Variants in RNF216 observed in about 807,000 individuals in gnomAD.
The protein encoded by RNF216 is E3 ubiquitin-protein ligase RNF216.
Under a neutral mutation model 110.8 loss-of-function variants are expected in RNF216, and 72 were observed. That is an observed-to-expected ratio of 0.65 (90% CI 0.54 to 0.79). The LOEUF is 0.79. Among genes scored for constraint, RNF216 ranks in the 30% least tolerant of loss-of-function variants. The pLI is 0.00. For synonymous variants in RNF216, 495 were observed against 407.5 expected, an observed-to-expected ratio of 1.21 and a Z score of -2.59; for missense variants, 1,342 against 1,141.2, an observed-to-expected ratio of 1.18 and a Z score of -2.54.
chr7:5,763,476 A>G (rs1796036022), intron 1 of RNF216, among the ~76,000 whole-genome samples: 1 of 152,126 alleles, frequency 6.6e-6, no homozygotes, highest in Admixed American at 6.6e-5. Flanking sequence ...CTAAAAATAT[A>G]AAAATTAGCC....
At chr7:5,652,600 T>A in intron 13 of RNF216, 90 bp from the exon 14 acceptor site, 1 of 838,240 alleles carries the variant, frequency 1.2e-6, no homozygotes, top group Non-Finnish European at 2.0e-6. Context: ...AAATGAGCTT[T>A]ACTTGGCTTG....
intron 5 of RNF216, among the ~76,000 whole-genome samples, chr7:5,733,358 C>T (rs988547959): frequency 2.6e-5 from 4 of 152,132 alleles, no homozygotes; most frequent in Admixed American, 1.3e-4. Flanking sequence ...AATAAGTACA[C>T]GTGTGAGACT....
chr7:5,651,390 G>T (rs1029899105), intron 14 of RNF216, among the ~76,000 whole-genome samples: 1 of 151,784 alleles, frequency 6.6e-6, no homozygotes, highest in Non-Finnish European at 1.5e-5. Context: ...ACCACTCCTG[G>T]ATAATTTTAT....
intron 5 of RNF216, among the ~76,000 whole-genome samples, chr7:5,734,903 C>A (rs1794306383): frequency 1.3e-5 from 2 of 150,844 alleles, no homozygotes; most frequent in Non-Finnish European, 3.0e-5. Context: ...CGTCTCCCAG[C>A]ACTTTGGGAG....
At chr7:5,742,704 T>C (rs971615007) in intron 3 of RNF216, among the ~76,000 whole-genome samples, 1 of 145,978 alleles carries the variant, frequency 6.9e-6, no homozygotes, top group African/African-American at 2.5e-5. Context: ...CAAGCAATTA[T>C]CCTGCCACAG....
At chr7:5,674,811 C>A (rs753308374) in intron 13 of RNF216, among the ~76,000 whole-genome samples, 1 of 152,006 alleles carries the variant, frequency 6.6e-6, no homozygotes, top group African/African-American at 2.4e-5. Flanking sequence ...GCCTGACCAA[C>A]ATGGCAAAAC....
At chr7:5,768,654 G>T (rs1481677890) in intron 1 of RNF216, among the ~76,000 whole-genome samples, 1 of 144,818 alleles carries the variant, frequency 6.9e-6, no homozygotes, top group African/African-American at 2.5e-5. Context: ...TGTGAGAAAT[G>T]AAGCAACTTT....
intron 5 of RNF216, among the ~76,000 whole-genome samples, chr7:5,735,641 G>A (rs1236231406): frequency 6.6e-6 from 1 of 152,170 alleles, no homozygotes; most frequent in Non-Finnish European, 1.5e-5. Context: ...GAGACAAAGA[G>A]GTGGACTTAG....
chr7:5,762,495 A>G (rs1462508948), intron 1 of RNF216, among the ~76,000 whole-genome samples: 1 of 151,586 alleles, frequency 6.6e-6, no homozygotes. Context: ...ATCTCTACTA[A>G]AAATTTAAAA....
chr7:5,741,348 G>T lies in RNF216; in HGVS notation c.669C>A (p.Ala223=), dbSNP rs766262398. Residue 223 remains alanine (A), a synonymous_variant, in exon 4 of 17, where the codon GCC becomes GCA. Transcript: ENST00000389902. The part of the protein sequence containing the change: ...GESAALADDQ[A]IEEDCWLDHP... ...GATCTAACCAGCAGTCTTCTTCGAT[G>T]GCCTGATCATCTGCTAGAGCAGCTG... 2.5e-6 allele frequency: 4 copies of T among 1,614,108 alleles called. No homozygotes were observed. Among genetic ancestry groups the T allele is most frequent in the African/African-American group, 1.3e-5 (1 of 75,020 alleles).
intron 14 of RNF216, among the ~76,000 whole-genome samples, chr7:5,642,606 T>C (rs6949086): frequency 0.18 from 27,015 of 151,440 alleles, 4,144 homozygotes; most frequent in African/African-American, 0.42. Flanking sequence ...CACAGGTGTG[T>C]GCCACCACAT....
intron 1 of RNF216, among the ~76,000 whole-genome samples, chr7:5,779,592 T>C (rs1436828479): frequency 1.3e-5 from 2 of 150,044 alleles, no homozygotes; most frequent in Non-Finnish European, 3.0e-5. Flanking sequence ...GTAATTCTTG[T>C]GCTTTGGGAG....
intron 5 of RNF216, among the ~76,000 whole-genome samples, chr7:5,738,238 A>G (rs916908405): frequency 5.3e-5 from 8 of 152,026 alleles, no homozygotes; most frequent in Non-Finnish European, 1.0e-4. Context: ...AAATTTTTTT[A>G]AAATAAGAGA....
At chr7:5,755,721 GC>G (rs1189923129) in intron 2 of RNF216, among the ~76,000 whole-genome samples, 1 of 152,106 alleles carries the variant, frequency 6.6e-6, no homozygotes, top group Non-Finnish European at 1.5e-5. Context: ...TGAGTATGTG[GC>G]AGTTTAGGCT....
chr7:5,687,269 G>T (rs191533754), intron 13 of RNF216, among the ~76,000 whole-genome samples: 1 of 151,586 alleles, frequency 6.6e-6, no homozygotes, highest in Non-Finnish European at 1.5e-5. Flanking sequence ...GGTGGCGGGC[G>T]CCTGTAATCT....
chr7:5,734,825 AAAAT>A (rs577475175), intron 5 of RNF216, among the ~76,000 whole-genome samples: 2,992 of 118,110 alleles, frequency 0.025, 90 homozygotes, highest in African/African-American at 0.075. Context: ...ACTCTCTCTC[AAAAT>A]AAATAAATAA....
At chr7:5,710,770 C>T (rs1792630282) in intron 13 of RNF216, among the ~76,000 whole-genome samples, 1 of 152,178 alleles carries the variant, frequency 6.6e-6, no homozygotes, top group Non-Finnish European at 1.5e-5. Flanking sequence ...GCTACTTCCT[C>T]CTTATCTGCT....
At position 5,778,182 on chromosome 7, in the gene RNF216, C is replaced by T. The variant is rs905835825; in HGVS notation, c.-70+3359G>A. On this transcript the variant is annotated intron_variant, in intron 1 of 16. Coordinates refer to ENST00000389902, the MANE Select transcript of RNF216 (RefSeq NM_207111.4). ...CCATCACCTGACCTTGCTGACATAG[C>T]GGGCCTTACCTCATACCTTTTCCCC... Among the ~76,000 whole-genome samples the T allele has an allele frequency of 4.6e-5, 7 of 152,300 alleles. No individual in the cohort carries two copies. The South Asian group carries it at 6.2e-4, about 14-fold the overall frequency.
At chr7:5,702,586 A>G (rs1345808639) in intron 13 of RNF216, among the ~76,000 whole-genome samples, 1 of 152,134 alleles carries the variant, frequency 6.6e-6, no homozygotes, top group Non-Finnish European at 1.5e-5. Context: ...CTTTAAAAGA[A>G]TCTAACAAAC....
Sources: gnomAD v4.1 joint callset for allele counts (sites outside exome capture counted in the v4.1 genomes callset) on GRCh38, gnomAD v4.1.1 for gene constraint, MANE v1.5 for transcripts, NCBI Gene and HGNC (gene_info 2026-07-23, HGNC 2026-07-21) for gene names.